Variants in C1orf94 observed in about 807,000 individuals in gnomAD.
C1orf94 encodes the protein uncharacterized protein C1orf94.
In C1orf94, 45 loss-of-function variants were observed where a neutral mutation model predicts 53.6. That is an observed-to-expected ratio of 0.84 (90% CI 0.66 to 1.08). The LOEUF (loss-of-function observed/expected upper bound fraction) is 1.08. C1orf94 is among the 50% of genes least tolerant of loss of function. The pLI, the probability that C1orf94 is intolerant of heterozygous loss-of-function variation, is 0.00. For missense variants in C1orf94, 762 were observed against 738.9 expected (o/e 1.03, Z -0.36); for synonymous variants, 304 against 296.1 (o/e 1.03, Z -0.27).
chr1:34,203,022 T>A (rs77522114), intron 4 of C1orf94, among the ~76,000 whole-genome samples: 1 of 152,246 alleles, frequency 6.6e-6, no homozygotes, highest in East Asian at 1.9e-4. Context: ...ATAAGCTACA[T>A]GCAAATACTA....
chr1:34,192,379 G>T (rs1362256375), intron 1 of C1orf94, among the ~76,000 whole-genome samples: 1 of 152,170 alleles, frequency 6.6e-6, no homozygotes, highest in Non-Finnish European at 1.5e-5. Flanking sequence ...CATCTGATCG[G>T]CTCACAGGGA....
chr1:34,206,917 C>T (rs1007381882), intron 4 of C1orf94, among the ~76,000 whole-genome samples: 1 of 152,078 alleles, frequency 6.6e-6, no homozygotes, highest in East Asian at 1.9e-4. Context: ...TGCATGGGAG[C>T]AGAGAGCAAG....
intron 1 of C1orf94, among the ~76,000 whole-genome samples, chr1:34,188,719 C>G (rs373770199): frequency 6.6e-6 from 1 of 152,098 alleles, no homozygotes; most frequent in African/African-American, 2.4e-5. Flanking sequence ...CACTGCGGCC[C>G]GGAGGGTGGA....
intron 1 of C1orf94, chr1:34,167,297 A>G (rs996290895): frequency 4.6e-5 from 7 of 152,218 alleles, no homozygotes; most frequent in African/African-American, 1.4e-4. Context: ...AGGAACTGGC[A>G]GAGATGCCCA....
intron 1 of C1orf94, among the ~76,000 whole-genome samples, chr1:34,195,690 A>G (rs1188386265): frequency 6.6e-6 from 1 of 151,990 alleles, no homozygotes; most frequent in Non-Finnish European, 1.5e-5. Context: ...GACTGTGTCC[A>G]TTCTGATTGA....
At position 34,182,419 on chromosome 1, in the gene C1orf94, G is replaced by T. The variant is rs542930032; in HGVS notation, c.320+4310G>T. ...CTTTTGCAGGTTTTTAGGAAGGGGT[G>T]TGACATGAACAGATTCACTAATGTT... On this transcript the variant is annotated intron_variant, in intron 1 of 6. Coordinates refer to ENST00000488417, the MANE Select transcript of C1orf94 (RefSeq NM_001134734.2). Among the ~76,000 whole-genome samples, 9 of 152,306 alleles carry T rather than the reference G, an allele frequency of 5.9e-5. No individual in the cohort carries two copies. In the East Asian group the frequency reaches 1.5e-3, roughly 26 times the overall value.
chr1:34,187,511 C>A (rs66460595), intron 1 of C1orf94, among the ~76,000 whole-genome samples: 1 of 151,816 alleles, frequency 6.6e-6, no homozygotes, highest in African/African-American at 2.4e-5. Context: ...AGAGATGGGC[C>A]ACCAGTGGTT....
chr1:34,200,650 A>G, intron 2 of C1orf94, 122 bp from the exon 3 acceptor site: 1 of 1,365,382 alleles, frequency 7.3e-7, no homozygotes, highest in Non-Finnish European at 1.0e-6. Flanking sequence ...AGAGTCCCCC[A>G]AAGTGGTCCA....
intron 1 of C1orf94, among the ~76,000 whole-genome samples, chr1:34,187,208 A>G (rs1642397013): frequency 6.6e-6 from 1 of 152,126 alleles, no homozygotes; most frequent in African/African-American, 2.4e-5. Flanking sequence ...AAAGGTCAAT[A>G]TTACTCCCAT....
chr1:34,168,326 G>A (rs1486949079), intron 1 of C1orf94, among the ~76,000 whole-genome samples: 1 of 151,994 alleles, frequency 6.6e-6, no homozygotes, highest in Non-Finnish European at 1.5e-5. Context: ...ATTAAGCAAG[G>A]CAGCCATGCA....
intron 2 of C1orf94, among the ~76,000 whole-genome samples, chr1:34,198,139 C>A (rs1015397520): frequency 6.6e-6 from 1 of 152,224 alleles, no homozygotes; most frequent in Admixed American, 6.5e-5. Flanking sequence ...AACCCAGAGG[C>A]CCTGATCTCA....
Position 34,200,988 on chromosome 1 carries a change from C to A in C1orf94, c.1226C>A (p.Pro409Gln), listed in dbSNP as rs114118360. Residue 409 changes from proline to glutamine, a missense_variant, in exon 3 of 7, where the codon CCG (proline) becomes CAG (glutamine). Transcript: ENST00000488417. ...LGATKNPSGQ[P>Q]RLRNKVEVDG... ...GCCACCAAGAACCCAAGCGGGCAGCCGAGACTTCGAAACAAAGTGGAAGTG... is the reference window on the plus strand; with the variant it reads ...GCCACCAAGAACCCAAGCGGGCAGCAGAGACTTCGAAACAAAGTGGAAGTG... 7 of 1,611,264 alleles carry A rather than the reference C, an allele frequency of 4.3e-6. No homozygotes were observed. The highest frequency in any genetic ancestry group is 5.9e-6 in the Non-Finnish European group (7 of 1,178,778).
At chr1:34,211,129 T>A (rs1163349576) in intron 5 of C1orf94, among the ~76,000 whole-genome samples, 1 of 152,144 alleles carries the variant, frequency 6.6e-6, no homozygotes, top group Non-Finnish European at 1.5e-5. Context: ...CAGCTCCGTA[T>A]GAGAAAAGGT....
At chr1:34,183,717 G>A (rs147208084) in intron 1 of C1orf94, among the ~76,000 whole-genome samples, 2 of 152,078 alleles carry the variant, frequency 1.3e-5, no homozygotes, top group African/African-American at 4.8e-5. Context: ...TCAGCTGAGC[G>A]TGGTGGCAGG....
At chr1:34,178,883 C>G (rs1642271765) in intron 1 of C1orf94, among the ~76,000 whole-genome samples, 1 of 152,242 alleles carries the variant, frequency 6.6e-6, no homozygotes. Context: ...TTTGCATCTT[C>G]AAAGTGGACT....
Position 34,197,418 on chromosome 1 carries a change from G to A in C1orf94, c.514G>A (p.Glu172Lys), listed in dbSNP as rs759596517. 6 of 1,613,936 alleles carry A rather than the reference G, an allele frequency of 3.7e-6. No individual in the cohort carries two copies. The highest frequency in any genetic ancestry group is 5.1e-6 in the Non-Finnish European group (6 of 1,179,876). ...LAPPLVAGSN[E>K]RPRASIIVGD... is the part of the protein sequence containing the mutation. The stretch of plus-strand genomic sequence containing the variant: ...CCCTCCTCTAGTGGCAGGCAGTAAT[G>A]AGCGCCCCAGAGCCTCCATCATTGT... Residue 172 changes from glutamate (E) to lysine (K), a missense_variant, in exon 2 of 7, where the codon GAG becomes AAG. Coordinates refer to ENST00000488417, the MANE Select transcript of C1orf94 (RefSeq NM_001134734.2). The surrounding 1 kb of genome is among the most constrained non-coding windows in gnomAD (Gnocchi z 4.1).
intron 3 of C1orf94, 60 bp downstream of exon 3, chr1:34,201,092 C>A: frequency 6.5e-7 from 1 of 1,532,376 alleles, no homozygotes; most frequent in Non-Finnish European, 8.8e-7. Flanking sequence ...CCCTCACAGG[C>A]TTCAGGGTGG....
At chr1:34,204,037 A>G (rs1571347266) in intron 4 of C1orf94, among the ~76,000 whole-genome samples, 1 of 152,178 alleles carries the variant, frequency 6.6e-6, no homozygotes, top group East Asian at 1.9e-4. Flanking sequence ...TGCACTCAGG[A>G]CCTTGGCAAT....
chr1:34,170,560 C>T (rs1012977336), intron 1 of C1orf94, among the ~76,000 whole-genome samples: 5 of 152,080 alleles, frequency 3.3e-5, no homozygotes, highest in Non-Finnish European at 5.9e-5. Context: ...TCAACAGTCT[C>T]TCCATAATTG....
Sources: gnomAD v4.1 joint callset for allele counts (sites outside exome capture counted in the v4.1 genomes callset) on GRCh38, gnomAD v4.1.1 for gene constraint, Gnocchi (gnomAD v3.1) non-coding constraint, MANE v1.5 for transcripts, NCBI Gene and HGNC (gene_info 2026-07-23, HGNC 2026-07-21) for gene names.